ITGAE: variants seen among roughly 807,000 people sequenced by gnomAD.
ITGAE encodes the protein integrin alpha-E.
Under a neutral mutation model 136.5 loss-of-function variants are expected in ITGAE, and 99 were observed. The observed-to-expected ratio is 0.73, with a 90% CI of 0.62 to 0.86. The LOEUF (loss-of-function observed/expected upper bound fraction) is 0.86. Among genes scored for constraint, ITGAE ranks in the 40% least tolerant of loss-of-function variants. The probability of loss-of-function intolerance (pLI) is 0.00; values close to 1 mark genes in which losing one functional copy is unlikely to be tolerated. For synonymous variants in ITGAE, 613 were observed against 591.8 expected (o/e 1.04, Z -0.52); for missense variants, 1,447 against 1,515.3 (o/e 0.95, Z 0.75).
intron 2 of ITGAE, among the ~76,000 whole-genome samples, chr17:3,776,492 C>T (rs1401441205): frequency 6.6e-6 from 1 of 152,230 alleles, no homozygotes; most frequent in South Asian, 2.1e-4. Context: ...TCAGGCTATG[C>T]GGCAAATCCA....
At position 3,798,343 on chromosome 17, in the gene ITGAE, T is replaced by A. The variant is rs962175458; in HGVS notation, c.34+2768A>T. ...GCCCGCACCTCCAGGGCCCAGCATG[T>A]CCCGATTTGGGGCGGGGCTGGAAGG... On this transcript the variant is annotated intron_variant, in intron 1 of 30. Coordinates refer to ENST00000263087, the MANE Select transcript of ITGAE (RefSeq NM_002208.5). This position sits in a 1 kb window ranked among gnomAD's most constrained non-coding sequence, Gnocchi z 4.3. Among the ~76,000 whole-genome samples the A allele has an allele frequency of 6.6e-6, 1 of 152,138 alleles. No individual in the cohort carries two copies. The highest frequency in any genetic ancestry group is 6.5e-5 in the Admixed American group (1 of 15,272).
chr17:3,777,257 G>A (rs11657737), intron 2 of ITGAE, among the ~76,000 whole-genome samples: 12,375 of 152,204 alleles, frequency 0.081, 778 homozygotes, highest in African/African-American at 0.16. Context: ...CACCGTGCCC[G>A]GCCACTAAAA....
intron 1 of ITGAE, among the ~76,000 whole-genome samples, chr17:3,786,099 G>A (rs1166142955): frequency 1.3e-5 from 2 of 150,808 alleles, no homozygotes; most frequent in African/African-American, 2.4e-5. Flanking sequence ...CCCGGGAGGC[G>A]GAGCTTGCAG....
At chr17:3,778,886 G>A (rs556584761) in intron 1 of ITGAE, among the ~76,000 whole-genome samples, 4 of 152,164 alleles carry the variant, frequency 2.6e-5, no homozygotes, top group Non-Finnish European at 5.9e-5. Context: ...CAAATAACAC[G>A]AGCCCTGTCG....
In ITGAE at chr17:3,796,067, G is replaced by A. The variant is rs1416657845; in HGVS notation, c.34+5044C>T. ...TGTGTGCATCTGTGTGTGTGCATCC[G>A]TGTTTGTGCATCCCTGTGTATGCAT... On this transcript the variant is annotated intron_variant, in intron 1 of 30. Coordinates refer to ENST00000263087, the MANE Select transcript of ITGAE (RefSeq NM_002208.5). Among the ~76,000 whole-genome samples, 5 of 137,084 alleles carry A rather than the reference G, an allele frequency of 3.6e-5. No individual in the cohort carries two copies. The East Asian group carries it at 5.8e-4, about 16-fold the overall frequency. The allele number at this position is 137,084 out of a possible 152,430, so 89.9% of individuals were successfully genotyped here. A position where few individuals can be genotyped will look rare whatever the true frequency, so the allele number is the denominator to read the frequency against.
At chr17:3,738,175 TC>T (rs1339210227) in intron 20 of ITGAE, among the ~76,000 whole-genome samples, 3 of 107,326 alleles carry the variant, frequency 2.8e-5, no homozygotes, top group African/African-American at 7.0e-5. Flanking sequence ...TTTGTTACCC[TC>T]CCCCCCTCCC....
intron 1 of ITGAE, among the ~76,000 whole-genome samples, chr17:3,794,809 T>C (rs1222690929): frequency 6.6e-6 from 1 of 151,814 alleles, no homozygotes; most frequent in Admixed American, 6.6e-5. Context: ...GCTGCCAACA[T>C]GTTACGAGGG....
At chr17:3,732,756 G>A (rs551438178) in intron 21 of ITGAE, among the ~76,000 whole-genome samples, 1 of 152,276 alleles carries the variant, frequency 6.6e-6, no homozygotes, top group East Asian at 1.9e-4. Context: ...GGAGGAATTC[G>A]TAAGGTCTTC....
chr17:3,785,422 T>C lies in ITGAE; in HGVS notation c.35-7762A>G, dbSNP rs543470302. Among the ~76,000 whole-genome samples, 6 of 148,980 alleles carry C rather than the reference T, an allele frequency of 4.0e-5. No homozygotes were observed. In the South Asian group the frequency reaches 1.3e-3, roughly 31 times the overall value. On this transcript the variant is annotated intron_variant, in intron 1 of 30. Coordinates refer to ENST00000263087, the MANE Select transcript of ITGAE (RefSeq NM_002208.5). ...AGGTGGAGGTTGCAGTGAGCCGAGA[T>C]CGTGCCATTGCACTCCAGCCTAGGC...
rs1208333239 is a variant in ITGAE, at chr17:3,760,430, CTTTTTT to C, written c.599-149_599-144del. On this transcript the variant is annotated intron_variant, in intron 6 of 30. Coordinates refer to ENST00000263087, the MANE Select transcript of ITGAE (RefSeq NM_002208.5). ...GTTGGAGAAGCTCCCAAGAGGGAAG[CTTTTTT>C]TTTTTTTTTTTTTTTTTTTTTGAGA... The C allele has an allele frequency of 2.9e-3, 189 of 64,190 alleles. 2 individuals carry two copies. The Admixed American group carries it at 0.036, about 12-fold the overall frequency. The allele number at this position is 64,190 out of a possible 1,614,324, so 4.0% of individuals were successfully genotyped here. A position where few individuals can be genotyped will look rare whatever the true frequency, so the allele number is the denominator to read the frequency against.
In ITGAE at chr17:3,777,575, G is replaced by A; in HGVS notation, c.120C>T (p.Ser40=). ...TGGTGCTGGGGTCTTGGTGCAGAAG[G>A]GAGCTGAGCACGAAAGGGGCACCTC... ...PKGGAPFVLS[S]LLHQDPSTNQ... Residue 40 remains serine, a synonymous_variant, in exon 2 of 31, where the codon TCC becomes TCT. Transcript: ENST00000263087. The A allele has an allele frequency of 6.2e-7, 1 of 1,613,920 alleles. No individual in the cohort carries two copies. Among genetic ancestry groups the A allele is most frequent in the South Asian group, 1.1e-5 (1 of 91,048 alleles).
chr17:3,728,729 C>A (rs1280766812), intron 24 of ITGAE, among the ~76,000 whole-genome samples: 1 of 151,248 alleles, frequency 6.6e-6, no homozygotes, highest in Non-Finnish European at 1.5e-5. Context: ...ACAGAGGGCA[C>A]CAGACCTTTA....
chr17:3,799,553 C>T lies in ITGAE; in HGVS notation c.34+1558G>A, dbSNP rs538047896. Among the ~76,000 whole-genome samples the T allele has an allele frequency of 5.3e-5, 8 of 152,194 alleles. No homozygotes were observed. Among genetic ancestry groups the T allele is most frequent in the East Asian group, 3.9e-4 (2 of 5,164 alleles). On this transcript the variant is annotated intron_variant, in intron 1 of 30. Transcript: ENST00000263087. This position sits in a 1 kb window ranked among gnomAD's most constrained non-coding sequence, Gnocchi z 4.1. ...AGGACAGAGGCCTGGGCTTGAGCCT[C>T]GTGTCTATTATCAGTTGCTTGCAAG... is the stretch of plus-strand genomic sequence containing the variant.
rs902128101 is a variant in ITGAE at position 3,799,411 on chromosome 17, G to A, written c.34+1700C>T. Among the ~76,000 whole-genome samples, 18 of 152,158 alleles carry A rather than the reference G, an allele frequency of 1.2e-4. No homozygotes were observed. Among genetic ancestry groups the A allele is most frequent in the Non-Finnish European group, 1.6e-4 (11 of 68,026 alleles). On this transcript the variant is annotated intron_variant, in intron 1 of 30. Transcript: ENST00000263087. This position sits in a 1 kb window ranked among gnomAD's most constrained non-coding sequence, Gnocchi z 4.1. ...GCCCATCAGCTTGGGAAGGGCCTAG[G>A]CCTCAAAAGAGGTTTGATCGATGCC...
chr17:3,757,600 G>A lies in ITGAE; in HGVS notation c.1020+106C>T, dbSNP rs368498479. 19 of 1,197,628 alleles carry A rather than the reference G, an allele frequency of 1.6e-5. No homozygotes were observed. The South Asian group carries it at 2.5e-4, about 16-fold the overall frequency. 74.2% of individuals were successfully genotyped at this position (1,197,628 alleles called of 1,614,324 possible). A position where few individuals can be genotyped will look rare whatever the true frequency, so the allele number is the denominator to read the frequency against. ...AAGAGGAGCATTTGCAAATAGAACAGGGTCTGGATAAGCTGCTTACAGAAA... is the reference window on the plus strand; with the variant it reads ...AAGAGGAGCATTTGCAAATAGAACAAGGTCTGGATAAGCTGCTTACAGAAA... On this transcript the variant is annotated intron_variant, in intron 9 of 30. Transcript: ENST00000263087.
At chr17:3,788,335 C>G (rs2052848548) in intron 1 of ITGAE, among the ~76,000 whole-genome samples, 1 of 151,578 alleles carries the variant, frequency 6.6e-6, no homozygotes. Flanking sequence ...TTTTGCCCAG[C>G]CTGGAGTGCA....
chr17:3,715,456 G>A (rs2050924246), intron 30 of ITGAE, among the ~76,000 whole-genome samples: 1 of 152,156 alleles, frequency 6.6e-6, no homozygotes, highest in African/African-American at 2.4e-5. Flanking sequence ...CGCTTTCAGG[G>A]AAGACAGTGA....
chr17:3,771,956 C>G (rs989118330), intron 2 of ITGAE, among the ~76,000 whole-genome samples: 1 of 152,122 alleles, frequency 6.6e-6, no homozygotes, highest in African/African-American at 2.4e-5. Context: ...CCACCCCTCC[C>G]GGCTTCAGAC....
At chr17:3,728,317 C>T (rs1246509872) in intron 24 of ITGAE, 149 bp from the exon 25 acceptor site, 5 of 673,838 alleles carry the variant, frequency 7.4e-6, no homozygotes, top group Admixed American at 6.8e-5. Context: ...GATCCTCCAC[C>T]TCAGCCTGGG....
Sources: gnomAD v4.1 joint callset for allele counts (sites outside exome capture counted in the v4.1 genomes callset) on GRCh38, gnomAD v4.1.1 for gene constraint, Gnocchi (gnomAD v3.1) non-coding constraint, MANE v1.5 for transcripts, NCBI Gene and HGNC (gene_info 2026-07-23, HGNC 2026-07-21) for gene names.